The following IGDCC4 variants were observed in gnomAD, a reference collection of about 807,000 sequenced individuals.
The protein encoded by IGDCC4 is likely ortholog of mouse neighbor of Punc E11.
In IGDCC4, 72 loss-of-function variants were observed where a neutral mutation model predicts 116.6. That is an observed-to-expected ratio of 0.62 (90% CI 0.51 to 0.75). The LOEUF (loss-of-function observed/expected upper bound fraction) is 0.75. Ranked by LOEUF, IGDCC4 falls within the 30% of genes least tolerant of loss-of-function variation. The probability of loss-of-function intolerance (pLI) is 0.00; values close to 1 mark genes in which losing one functional copy is unlikely to be tolerated. For missense variants in IGDCC4, 1,501 were observed against 1,662.4 expected (o/e 0.90, Z 1.69); for synonymous variants, 709 against 719.9 (o/e 0.98, Z 0.24).
intron 10 of IGDCC4, 56 bp from the exon 11 acceptor site, chr15:65,392,426 G>A: frequency 7.4e-7 from 1 of 1,348,892 alleles, no homozygotes; most frequent in Non-Finnish European, 1.0e-6. Flanking sequence ...AGAATGAGGA[G>A]AAGGAGGCCA....
In IGDCC4 at chr15:65,383,656, A is replaced by C; in HGVS notation, c.*353T>G. On this transcript the variant is annotated 3_prime_UTR_variant, in exon 20 of 20. Transcript: ENST00000352385. Reference sequence around the variant, plus strand: ...GAGGTGGGGGCCCACAGGGCTGGGGACTGACCACTGTGGGGCACCGTTCTG... The same window carrying C: ...GAGGTGGGGGCCCACAGGGCTGGGGCCTGACCACTGTGGGGCACCGTTCTG... The C allele has an allele frequency of 9.9e-6, 2 of 202,258 alleles. No individual in the cohort carries two copies. The highest frequency in any genetic ancestry group is 1.7e-4 in the South Asian group (1 of 5,758). 12.5% of individuals were successfully genotyped at this position (202,258 alleles called of 1,614,324 possible).
At chr15:65,421,675 C>G (rs1213097746) in intron 1 of IGDCC4, among the ~76,000 whole-genome samples, 1 of 151,666 alleles carries the variant, frequency 6.6e-6, no homozygotes, top group Non-Finnish European at 1.5e-5. Flanking sequence ...AATCCCCCTC[C>G]CCACCCCCAC....
At chr15:65,392,105 T>TGCCGCC in intron 11 of IGDCC4, 29 bp downstream of exon 11, 1 of 1,429,194 alleles carries the variant, frequency 7.0e-7, no homozygotes, top group Non-Finnish European at 9.7e-7. Flanking sequence ...GCTACATCCC[T>TGCCGCC]CCCTCCCCCT....
chr15:65,392,613 G>T (rs927770289), intron 10 of IGDCC4, among the ~76,000 whole-genome samples: 4 of 152,132 alleles, frequency 2.6e-5, no homozygotes, highest in East Asian at 1.9e-4. Context: ...GGGAATGCAG[G>T]GGTGTCCGCT....
At chr15:65,389,021 G>A in intron 14 of IGDCC4, 43 bp from the exon 15 acceptor site, 1 of 1,339,984 alleles carries the variant, frequency 7.5e-7, no homozygotes, top group Non-Finnish European at 1.0e-6. Context: ...TCAGAGCTGG[G>A]GGACAGAGCA....
In IGDCC4 at chr15:65,410,318, T is replaced by C; in HGVS notation, c.423A>G (p.Thr141=). The change falls in exon 3 of 20, where the codon ACA becomes ACG. Residue 141 remains threonine, a splice_region_variant and synonymous_variant. Coordinates refer to ENST00000352385, the MANE Select transcript of IGDCC4 (RefSeq NM_020962.3). ...CCGGGTGCAGAGAGAAGTCTGCGAG[T>C]GCTGGGGACAGTGAGACACAGGCAG... ...ASQTAVVKLA[T]LADFSLHPES... is the part of the protein sequence containing the mutation. The C allele has an allele frequency of 6.2e-7, 1 of 1,613,618 alleles. No homozygotes were observed. The highest frequency in any genetic ancestry group is 1.1e-5 in the South Asian group (1 of 91,054).
intron 1 of IGDCC4, among the ~76,000 whole-genome samples, chr15:65,415,743 AG>A (rs2063136479): frequency 6.6e-6 from 1 of 152,176 alleles, no homozygotes; most frequent in African/African-American, 2.4e-5. Context: ...CTCCTGAATA[AG>A]AGGGTTCTCT....
At chr15:65,414,759 A>C (rs1246749725) in intron 1 of IGDCC4, among the ~76,000 whole-genome samples, 3 of 152,224 alleles carry the variant, frequency 2.0e-5, no homozygotes, top group Non-Finnish European at 4.4e-5. Context: ...CTCCAGCCTC[A>C]GCCTCCTATG....
intron 3 of IGDCC4, among the ~76,000 whole-genome samples, chr15:65,406,069 G>A (rs764339388): frequency 2.0e-5 from 3 of 152,192 alleles, no homozygotes; most frequent in African/African-American, 4.8e-5. Flanking sequence ...GGGTAGGGCC[G>A]GAGCCCATGT....
At chr15:65,392,065 C>A in intron 11 of IGDCC4, 69 bp downstream of exon 11, 7 of 1,542,634 alleles carry the variant, frequency 4.5e-6, no homozygotes, top group Non-Finnish European at 3.5e-6. Context: ...TCTCTAACTT[C>A]TTCACACAAC....
intron 2 of IGDCC4, 106 bp downstream of exon 2, chr15:65,410,914 G>T: frequency 1.2e-6 from 1 of 831,482 alleles, no homozygotes; most frequent in South Asian, 1.8e-5. Context: ...AAGGGGGAGT[G>T]GGATCAAGAG....
chr15:65,396,251 G>T (rs990594177), intron 6 of IGDCC4, 88 bp from the exon 7 acceptor site: 28 of 1,013,796 alleles, frequency 2.8e-5, no homozygotes, highest in African/African-American at 3.7e-5. Context: ...GCCCCCCACC[G>T]CCCTCCCTCG....
At chr15:65,416,943 A>T (rs1473727679) in intron 1 of IGDCC4, among the ~76,000 whole-genome samples, 1 of 152,164 alleles carries the variant, frequency 6.6e-6, no homozygotes, top group Non-Finnish European at 1.5e-5. Context: ...TCGTGGGATT[A>T]GTGGAGGCCT....
At chr15:65,421,149 G>A (rs550340998) in intron 1 of IGDCC4, among the ~76,000 whole-genome samples, 2 of 152,260 alleles carry the variant, frequency 1.3e-5, no homozygotes, top group South Asian at 2.1e-4. Context: ...GCCGCAACTC[G>A]GTCCCTCGCC....
intron 12 of IGDCC4, 60 bp downstream of exon 12, chr15:65,391,820 G>A (rs1379253836): frequency 6.8e-7 from 1 of 1,466,848 alleles, no homozygotes; most frequent in Non-Finnish European, 9.5e-7. Flanking sequence ...AAAAGAAGAG[G>A]AAGCGGCTAG....
chr15:65,411,219 C>T lies in IGDCC4; in HGVS notation c.222G>A (p.Lys74=), dbSNP rs2063089979. The part of the protein sequence containing the change: ...AGPPTRVTWS[K]DGDTLLEHDH... ...CGTGCTCCAGCAGGGTGTCCCCATC[C>T]TTGCTCCAGGTCACCCTGGTGGGGG... is the stretch of plus-strand genomic sequence containing the variant. Residue 74 remains lysine (K), a synonymous_variant, in exon 2 of 20, where the codon AAG becomes AAA. Coordinates refer to ENST00000352385, the MANE Select transcript of IGDCC4 (RefSeq NM_020962.3). 1.2e-6 allele frequency: 2 copies of T among 1,614,186 alleles called. No individual in the cohort carries two copies. Among genetic ancestry groups the T allele is most frequent in the East Asian group, 4.5e-5 (2 of 44,880 alleles).
Position 65,422,815 on chromosome 15 carries a change from G to C in IGDCC4, c.48C>G (p.Thr16=), listed in dbSNP as rs576529626. The C allele has an allele frequency of 1.1e-3, 1,355 of 1,277,418 alleles. 2 individuals are homozygous for C. The highest frequency in any genetic ancestry group is 8.0e-3 in the Middle Eastern group (26 of 3,268). The allele number at this position is 1,277,418 out of a possible 1,614,324, so 79.1% of individuals were successfully genotyped here. ...AGRGRGLLAL[T]FCLLAARGEL... is the part of the protein sequence containing the mutation. Reference sequence around the variant, plus strand: ...TACCGCGCGCGGCCAACAGGCAGAAGGTCAACGCGAGGAGCCCGCGGCCGC... The same window carrying C: ...TACCGCGCGCGGCCAACAGGCAGAACGTCAACGCGAGGAGCCCGCGGCCGC... Residue 16 remains threonine (T), a synonymous_variant, in exon 1 of 20, where the codon ACC becomes ACG. Coordinates refer to ENST00000352385, the MANE Select transcript of IGDCC4 (RefSeq NM_020962.3).
intron 1 of IGDCC4, among the ~76,000 whole-genome samples, chr15:65,415,094 C>A (rs991337446): frequency 1.3e-5 from 2 of 152,316 alleles, no homozygotes; most frequent in East Asian, 1.9e-4. Context: ...GCCCTAGATG[C>A]CATGATTCAA....
intron 1 of IGDCC4, among the ~76,000 whole-genome samples, chr15:65,415,490 C>T (rs2063134288): frequency 6.6e-6 from 1 of 152,184 alleles, no homozygotes; most frequent in Non-Finnish European, 1.5e-5. Context: ...AAGGCAGGAA[C>T]AGGGAAAGCA....
Sources: gnomAD v4.1 joint callset for allele counts (sites outside exome capture counted in the v4.1 genomes callset) on GRCh38, gnomAD v4.1.1 for gene constraint, MANE v1.5 for transcripts, NCBI Gene and HGNC (gene_info 2026-07-23, HGNC 2026-07-21) for gene names.